The following METTL15 variants were observed in gnomAD, a reference collection of about 807,000 sequenced individuals.
METTL15 encodes the protein methyltransferase 15, mitochondrial 12S rRNA N4-cytidine.
METTL15 carries 34 observed loss-of-function variants against 38.3 expected under a neutral mutation model. That is an observed-to-expected ratio of 0.89 (90% CI 0.68 to 1.18). The LOEUF (loss-of-function observed/expected upper bound fraction) is 1.18. METTL15 is among the 50% of genes most tolerant of loss of function. The pLI, the probability that METTL15 is intolerant of heterozygous loss-of-function variation, is 0.00. For synonymous variants in METTL15, 162 were observed against 170.9 expected (o/e 0.95, Z 0.41); for missense variants, 438 against 498.4 (o/e 0.88, Z 1.15).
At chr11:28,438,405 G>T (rs1448034125) in intron 6 of METTL15, among the ~76,000 whole-genome samples, 1 of 152,208 alleles carries the variant, frequency 6.6e-6, no homozygotes, top group African/African-American at 2.4e-5. Flanking sequence ...TTGTCTGGTA[G>T]ATCTTAAAGT....
At chr11:28,422,335 C>A (rs1450465621) in intron 5 of METTL15, among the ~76,000 whole-genome samples, 4 of 151,592 alleles carry the variant, frequency 2.6e-5, no homozygotes, top group Non-Finnish European at 5.9e-5. Flanking sequence ...TAGAAAAAAA[C>A]AATCCTAAAA....
At chr11:28,109,506 T>G (rs1477964851) in intron 1 of METTL15, among the ~76,000 whole-genome samples, 2 of 152,232 alleles carry the variant, frequency 1.3e-5, no homozygotes, top group African/African-American at 4.8e-5. Flanking sequence ...GAGAGAAAAC[T>G]GAAGTTTTCA....
intron 4 of METTL15, among the ~76,000 whole-genome samples, chr11:28,285,708 G>T (rs1204388262): frequency 6.6e-6 from 1 of 152,118 alleles, no homozygotes; most frequent in African/African-American, 2.4e-5. Flanking sequence ...AAATTGGCTG[G>T]CACTGTCTCC....
In METTL15 at chr11:28,414,081, G is replaced by GTGA. The variant is rs529991088; in HGVS notation, c.*359-10214_*359-10212dup. Among the ~76,000 whole-genome samples the GTGA allele has an allele frequency of 3.9e-4, 60 of 152,184 alleles. 1 individual carries two copies. In the South Asian group the frequency reaches 0.012, roughly 32 times the overall value. ...TTTATTCAGAGAAATTATTATACAG[G>GTGA]TGATGAAGTTGGTGAGGATCAAAGA... On this transcript the variant is annotated intron_variant and NMD_transcript_variant, in intron 5 of 7. Transcript: ENST00000532947.
At chr11:28,399,620 A>G (rs1191531038) in intron 5 of METTL15, among the ~76,000 whole-genome samples, 8 of 151,808 alleles carry the variant, frequency 5.3e-5, no homozygotes, top group South Asian at 2.1e-4. Flanking sequence ...TACACACCTT[A>G]TGCACACATA....
At chr11:28,495,421 A>G (rs1385818220) in intron 6 of METTL15, among the ~76,000 whole-genome samples, 1 of 152,182 alleles carries the variant, frequency 6.6e-6, no homozygotes, top group Non-Finnish European at 1.5e-5. Context: ...ATGAGAGTCC[A>G]GCTAATTTGC....
At chr11:28,165,926 G>A (rs1850643019) in intron 3 of METTL15, among the ~76,000 whole-genome samples, 1 of 151,886 alleles carries the variant, frequency 6.6e-6, no homozygotes, top group Admixed American at 6.6e-5. Flanking sequence ...TCCCCATTTT[G>A]TGGCCTTGGC....
At chr11:28,365,780 G>A (rs1850179467) in intron 5 of METTL15, among the ~76,000 whole-genome samples, 1 of 152,134 alleles carries the variant, frequency 6.6e-6, no homozygotes, top group Non-Finnish European at 1.5e-5. Context: ...AGGCGCGGTG[G>A]CTCATGAGCG....
chr11:28,523,462 G>T (rs538774976), intron 6 of METTL15, among the ~76,000 whole-genome samples: 29 of 152,262 alleles, frequency 1.9e-4, no homozygotes, highest in African/African-American at 6.7e-4. Context: ...AAGCTGATTG[G>T]CTCTCTGAAA....
chr11:28,415,348 TAAAAG>T (rs978687221), intron 5 of METTL15, among the ~76,000 whole-genome samples: 1 of 151,994 alleles, frequency 6.6e-6, no homozygotes, highest in Admixed American at 6.5e-5. Flanking sequence ...TTGAAGAAAA[TAAAAG>T]AAAAGGTATC....
At chr11:28,386,307 T>G (rs1209147703) in intron 5 of METTL15, among the ~76,000 whole-genome samples, 1 of 151,734 alleles carries the variant, frequency 6.6e-6, no homozygotes, top group Non-Finnish European at 1.5e-5. Context: ...GCTGAATGGA[T>G]AAAAACAAAA....
At chr11:28,352,740 T>C (rs1850052900) in intron 4 of METTL15, among the ~76,000 whole-genome samples, 1 of 152,054 alleles carries the variant, frequency 6.6e-6, no homozygotes, top group Non-Finnish European at 1.5e-5. Context: ...GTCATGGATG[T>C]ATTGAGGTCA....
chr11:28,214,356 T>C (rs1852775191), intron 4 of METTL15, among the ~76,000 whole-genome samples: 1 of 152,004 alleles, frequency 6.6e-6, no homozygotes, highest in Admixed American at 6.6e-5. Context: ...TTGATAGAGA[T>C]AGTATAAAAA....
chr11:28,223,703 A>T (rs569958994), intron 4 of METTL15, among the ~76,000 whole-genome samples: 11 of 152,278 alleles, frequency 7.2e-5, no homozygotes, highest in African/African-American at 2.6e-4. Context: ...TGAGCAATTC[A>T]TGGGAAGGCT....
chr11:28,356,211 T>C (rs1850088599), intron 4 of METTL15, among the ~76,000 whole-genome samples: 1 of 152,226 alleles, frequency 6.6e-6, no homozygotes, highest in Non-Finnish European at 1.5e-5. Context: ...TTTCCTAGCA[T>C]TGTTTTACAA....
At chr11:28,366,368 C>G (rs893412115) in intron 5 of METTL15, among the ~76,000 whole-genome samples, 1 of 151,948 alleles carries the variant, frequency 6.6e-6, no homozygotes, top group Non-Finnish European at 1.5e-5. Context: ...AAAATACTGC[C>G]CTGTGTAATT....
Position 28,305,772 on chromosome 11 carries a change from A to G in METTL15, c.778+8841A>G, listed in dbSNP as rs72878307. 5.7e-3 allele frequency among the ~76,000 whole-genome samples: 866 copies of G among 152,234 alleles called. 6 individuals are homozygous for G. Among genetic ancestry groups the G allele is most frequent in the Admixed American group, 0.011 (175 of 15,274 alleles). ...AAAAAAGAGAAATTTATTTTTGTATAGTGAGAGGTTAGACTTAATGAAGAG... is the reference window on the plus strand; with the variant it reads ...AAAAAAGAGAAATTTATTTTTGTATGGTGAGAGGTTAGACTTAATGAAGAG... On this transcript the variant is annotated intron_variant, in intron 6 of 6. Coordinates refer to ENST00000407364, the MANE Select transcript of METTL15 (RefSeq NM_001113528.2).
At chr11:28,374,460 T>G (rs1165190184) in intron 5 of METTL15, among the ~76,000 whole-genome samples, 1 of 147,202 alleles carries the variant, frequency 6.8e-6, no homozygotes, top group Non-Finnish European at 1.5e-5. Flanking sequence ...GATTTCGCTC[T>G]CTGTTTGTCT....
chr11:28,515,104 A>C (rs941413228), intron 6 of METTL15, among the ~76,000 whole-genome samples: 20 of 152,190 alleles, frequency 1.3e-4, no homozygotes, highest in African/African-American at 4.3e-4. Flanking sequence ...TGACTGCCTA[A>C]TAAGCTATGA....
Sources: gnomAD v4.1 joint callset for allele counts (sites outside exome capture counted in the v4.1 genomes callset) on GRCh38, gnomAD v4.1.1 for gene constraint, MANE v1.5 for transcripts, NCBI Gene and HGNC (gene_info 2026-07-23, HGNC 2026-07-21) for gene names.